Variants in ANKRD6 observed in about 807,000 individuals in gnomAD.
ANKRD6 encodes ankyrin repeat domain-containing protein 6.
In ANKRD6, 56 loss-of-function variants were observed where a neutral mutation model predicts 82.3. That is an observed-to-expected ratio of 0.68 (90% CI 0.55 to 0.85). ANKRD6 has a LOEUF of 0.85. Among genes scored for constraint, ANKRD6 ranks in the 40% least tolerant of loss-of-function variants. The pLI is 0.00. For synonymous variants in ANKRD6, 347 were observed against 352.1 expected, an observed-to-expected ratio of 0.99 and a Z score of 0.16; for missense variants, 852 against 907.6, an observed-to-expected ratio of 0.94 and a Z score of 0.79.
At chr6:89,609,927 AAATAAAAT>A (rs1466550746) in intron 5 of ANKRD6, among the ~76,000 whole-genome samples, 1 of 152,146 alleles carries the variant, frequency 6.6e-6, no homozygotes, top group Admixed American at 6.5e-5. Context: ...GTTTCTGTGT[AAATAAAAT>A]GGCTTCAGAA....
intron 1 of ANKRD6, among the ~76,000 whole-genome samples, chr6:89,506,059 G>A (rs560940667): frequency 1.1e-4 from 17 of 152,256 alleles, no homozygotes; most frequent in South Asian, 6.2e-4. Flanking sequence ...GGGGGAGGGC[G>A]GTGGAAGCAA....
rs553750239 is a variant in ANKRD6, at chr6:89,510,325, A to G, written c.-143-56509A>G. ...TCACATAATAATCTCTGATGTGCCTAACGTTTTAAGGGGCACATTAGCAAA... is the reference window on the plus strand; with the variant it reads ...TCACATAATAATCTCTGATGTGCCTGACGTTTTAAGGGGCACATTAGCAAA... On this transcript the variant is annotated intron_variant, in intron 1 of 15. Coordinates refer to ENST00000339746, the MANE Select transcript of ANKRD6 (RefSeq NM_001242809.2). Among the ~76,000 whole-genome samples the G allele has an allele frequency of 2.6e-5, 4 of 152,214 alleles. No individual in the cohort carries two copies. The South Asian group carries it at 8.3e-4, about 32-fold the overall frequency.
intron 1 of ANKRD6, among the ~76,000 whole-genome samples, chr6:89,546,424 G>C (rs1785102150): frequency 6.6e-6 from 1 of 151,704 alleles, no homozygotes; most frequent in Admixed American, 6.6e-5. Flanking sequence ...GGTGGGCGGG[G>C]GGACAGAAGG....
chr6:89,510,920 C>T (rs931535270), intron 1 of ANKRD6, among the ~76,000 whole-genome samples: 5 of 152,024 alleles, frequency 3.3e-5, no homozygotes, highest in Non-Finnish European at 7.4e-5. Context: ...AGTGGAGAGC[C>T]GGATGGTGAT....
intron 2 of ANKRD6, chr6:89,568,289 C>T (rs1041447788): frequency 2.6e-5 from 4 of 152,218 alleles, no homozygotes; most frequent in Non-Finnish European, 5.9e-5. Context: ...AGTTGCTTAA[C>T]TTCTTTGAGC....
intron 1 of ANKRD6, among the ~76,000 whole-genome samples, chr6:89,540,759 G>A (rs536682694): frequency 1.7e-4 from 26 of 152,224 alleles, no homozygotes; most frequent in Admixed American, 3.9e-4. Flanking sequence ...TCATGGTTGC[G>A]GTATTAGATT....
chr6:89,531,713 C>T (rs146788669), intron 1 of ANKRD6, among the ~76,000 whole-genome samples: 3 of 152,368 alleles, frequency 2.0e-5, no homozygotes, highest in African/African-American at 7.2e-5. Context: ...GACTTACCTG[C>T]CAGTATCATC....
At chr6:89,491,057 G>A (rs1241476113) in intron 1 of ANKRD6, among the ~76,000 whole-genome samples, 1 of 152,138 alleles carries the variant, frequency 6.6e-6, no homozygotes, top group East Asian at 1.9e-4. Context: ...GAGGCCACAA[G>A]TCAAGGAATG....
At chr6:89,577,132 G>A (rs1791294471) in intron 2 of ANKRD6, among the ~76,000 whole-genome samples, 1 of 151,760 alleles carries the variant, frequency 6.6e-6, no homozygotes, top group Non-Finnish European at 1.5e-5. Context: ...CCCTCCTGAG[G>A]CCTGGTCCTC....
At chr6:89,500,442 A>G (rs1779140754) in intron 1 of ANKRD6, among the ~76,000 whole-genome samples, 1 of 152,218 alleles carries the variant, frequency 6.6e-6, no homozygotes, top group Non-Finnish European at 1.5e-5. Flanking sequence ...AGAAAAATGC[A>G]TCAGGCTGCA....
rs192235377 is a variant in ANKRD6, at chr6:89,456,909, A to G, written c.-144+23534A>G. On this transcript the variant is annotated intron_variant, in intron 1 of 15. Transcript: ENST00000339746. ...CAACAATGATTTATTGTATCTCAAT[A>G]CAATAAATCAGTCAGTCAGGAATTA... Among the ~76,000 whole-genome samples the G allele has an allele frequency of 1.5e-4, 23 of 152,344 alleles. No individual in the cohort carries two copies. The East Asian group carries it at 4.4e-3, about 29-fold the overall frequency.
intron 1 of ANKRD6, among the ~76,000 whole-genome samples, chr6:89,470,383 C>G (rs1001924221): frequency 6.6e-6 from 1 of 152,146 alleles, no homozygotes; most frequent in Non-Finnish European, 1.5e-5. Flanking sequence ...CTTTACTAGA[C>G]CGAGGTGGGA....
chr6:89,524,368 C>G (rs1782219359), intron 1 of ANKRD6, among the ~76,000 whole-genome samples: 1 of 152,074 alleles, frequency 6.6e-6, no homozygotes, highest in Non-Finnish European at 1.5e-5. Flanking sequence ...CCTTAGCTCC[C>G]ACTTACAAGT....
At chr6:89,585,739 T>C (rs1462432134) in intron 2 of ANKRD6, among the ~76,000 whole-genome samples, 2 of 152,168 alleles carry the variant, frequency 1.3e-5, no homozygotes, top group African/African-American at 4.8e-5. Context: ...TGAAACCCTG[T>C]CTCTAAAAAA....
intron 1 of ANKRD6, among the ~76,000 whole-genome samples, chr6:89,554,857 T>G (rs1296420731): frequency 6.6e-6 from 1 of 152,156 alleles, no homozygotes; most frequent in Non-Finnish European, 1.5e-5. Context: ...AAGACCAAAA[T>G]TAACTTGTAA....
At chr6:89,618,157 G>C (rs1389959160) in intron 9 of ANKRD6, 126 bp downstream of exon 9, 11 of 1,042,406 alleles carry the variant, frequency 1.1e-5, no homozygotes, top group Non-Finnish European at 1.6e-5. Flanking sequence ...AGGCAGTGGA[G>C]GTATAGGCAT....
chr6:89,560,905 G>A (rs1180439301), intron 1 of ANKRD6: 1 of 152,250 alleles, frequency 6.6e-6, no homozygotes, highest in Non-Finnish European at 1.5e-5. Flanking sequence ...AGGGACAGCA[G>A]AAGGCTTAGC....
At chr6:89,545,253 A>C (rs926442729) in intron 1 of ANKRD6, among the ~76,000 whole-genome samples, 1 of 151,374 alleles carries the variant, frequency 6.6e-6, no homozygotes. Flanking sequence ...GGCTGTTTCT[A>C]CTGGCCCAGA....
chr6:89,615,681 C>G (rs1801387959), intron 7 of ANKRD6, among the ~76,000 whole-genome samples: 1 of 152,198 alleles, frequency 6.6e-6, no homozygotes, highest in African/African-American at 2.4e-5. Flanking sequence ...CCACCCCTCA[C>G]AAAGATGGCT....
Sources: allele counts gnomAD v4.1 joint callset (sites outside exome capture counted in the v4.1 genomes callset), GRCh38; gene constraint gnomAD v4.1.1; transcripts MANE v1.5; gene names NCBI Gene and HGNC (gene_info 2026-07-23, HGNC 2026-07-21).